The following EMC3 variants were observed in gnomAD, a reference collection of about 807,000 sequenced individuals.
EMC3 encodes the protein ER membrane protein complex subunit 3, also known as 30 kDa protein.
Under a neutral mutation model 36.6 loss-of-function variants are expected in EMC3, and 13 were observed. The observed-to-expected ratio is 0.35, with a 90% CI of 0.23 to 0.56. EMC3 has a LOEUF of 0.56. EMC3 is among the 20% of genes least tolerant of loss of function. The probability of loss-of-function intolerance (pLI) is 0.84; values close to 1 mark genes in which losing one functional copy is unlikely to be tolerated. For missense variants in EMC3, 220 were observed against 324.5 expected (o/e 0.68, Z 2.47); for synonymous variants, 120 against 111.9 (o/e 1.07, Z -0.46).
intron 1 of EMC3, among the ~76,000 whole-genome samples, chr3:9,996,218 A>C (rs186521702): frequency 1.4e-3 from 207 of 152,332 alleles, no homozygotes; most frequent in Non-Finnish European, 2.2e-3. Flanking sequence ...CCAAGGCAGG[A>C]GAATCACATG....
At chr3:10,006,190 A>G (rs1025806348) in intron 1 of EMC3, among the ~76,000 whole-genome samples, 2 of 152,234 alleles carry the variant, frequency 1.3e-5, no homozygotes, top group African/African-American at 2.4e-5. Flanking sequence ...GGAAGCCAGC[A>G]TCGTCCAAGC....
chr3:9,986,818 GC>G lies in EMC3; in HGVS notation c.-158del, dbSNP rs1321250022. 1.5e-5 allele frequency: 21 copies of G among 1,420,486 alleles called. No individual in the cohort carries two copies. Among genetic ancestry groups the G allele is most frequent in the Non-Finnish European group, 1.8e-5 (19 of 1,085,058 alleles). The allele number at this position is 1,420,486 out of a possible 1,614,324, so 88.0% of individuals were successfully genotyped here. A position where few individuals can be genotyped will look rare whatever the true frequency, so the allele number is the denominator to read the frequency against. ...CTGTGAGCCGAGCTTACTGCCTTCA[GC>G]TGGGCTGCCTGGTCTTCCACTTCCG... On this transcript the variant is annotated 5_prime_UTR_variant, in exon 1 of 8. Transcript: ENST00000245046.
At chr3:9,975,803 C>T (rs542569471) in intron 3 of EMC3, among the ~76,000 whole-genome samples, 1 of 126,096 alleles carries the variant, frequency 7.9e-6, no homozygotes, top group East Asian at 2.2e-4. Flanking sequence ...GAGAGCGAGA[C>T]TCCTTTCTGA....
At chr3:9,985,209 A>G (rs2085957310) in intron 1 of EMC3, among the ~76,000 whole-genome samples, 1 of 152,224 alleles carries the variant, frequency 6.6e-6, no homozygotes, top group South Asian at 2.1e-4. Flanking sequence ...TTACCAGCAA[A>G]TGGAAATCCA....
intron 3 of EMC3, among the ~76,000 whole-genome samples, 176 bp downstream of exon 3, chr3:9,976,781 G>A (rs2085854483): frequency 6.6e-6 from 1 of 151,998 alleles, no homozygotes; most frequent in Admixed American, 6.6e-5. Context: ...AAATCTAACT[G>A]AAAAAGAGAA....
chr3:9,965,416 C>CGATAGATA (rs57264688), intron 7 of EMC3, among the ~76,000 whole-genome samples: 12,120 of 145,750 alleles, frequency 0.083, 634 homozygotes, highest in African/African-American at 0.13. Flanking sequence ...GTGAGACCCT[C>CGATAGATA]GATAGATAGA....
Position 9,967,986 on chromosome 3 carries a change from A to T in EMC3, c.657+1733T>A, listed in dbSNP as rs116304356. Among the ~76,000 whole-genome samples, 840 of 152,264 alleles carry T rather than the reference A, an allele frequency of 5.5e-3. 15 individuals are homozygous for T. Among genetic ancestry groups the T allele is most frequent in the African/African-American group, 0.018 (765 of 41,542 alleles). On this transcript the variant is annotated intron_variant, in intron 7 of 7. Coordinates refer to ENST00000245046, the MANE Select transcript of EMC3 (RefSeq NM_001394674.1). ...CACCAGGCTGGAGTCTAGTGGCGTGATCTTGACTCACTGCAACCTCTGCCT... is the reference window on the plus strand; with the variant it reads ...CACCAGGCTGGAGTCTAGTGGCGTGTTCTTGACTCACTGCAACCTCTGCCT...
In EMC3 at chr3:9,964,174, C is replaced by T; in HGVS notation, c.681G>A (p.Leu227=). 1 of 1,614,184 alleles carries T rather than the reference C, an allele frequency of 6.2e-7. No homozygotes were observed. The highest frequency in any genetic ancestry group is 8.5e-7 in the Non-Finnish European group (1 of 1,180,036). Residue 227 remains leucine, a synonymous_variant, in exon 8 of 8, where the codon CTG becomes CTA. Coordinates refer to ENST00000245046, the MANE Select transcript of EMC3 (RefSeq NM_001394674.1). ...AFKTEWEALE[L]TDHQWALDDV... Reference sequence around the variant, plus strand: ...CATCTAGTGCCCACTGGTGATCCGTCAGCTCCAAAGCTTCCCACTCTGTCT... The same window carrying T: ...CATCTAGTGCCCACTGGTGATCCGTTAGCTCCAAAGCTTCCCACTCTGTCT...
In EMC3 at chr3:9,986,791, G is replaced by C. The variant is rs776135142; in HGVS notation, c.-130C>G. 2 of 1,473,492 alleles carry C rather than the reference G, an allele frequency of 1.4e-6. No homozygotes were observed. Among genetic ancestry groups the C allele is most frequent in the East Asian group, 2.4e-5 (1 of 42,302 alleles). 91.3% of individuals were successfully genotyped at this position (1,473,492 alleles called of 1,614,324 possible). A position where few individuals can be genotyped will look rare whatever the true frequency, so the allele number is the denominator to read the frequency against. The stretch of plus-strand genomic sequence containing the variant: ...CCCGTGTACCCCAGAACTCTCCTGC[G>C]ACTGTGAGCCGAGCTTACTGCCTTC... On this transcript the variant is annotated 5_prime_UTR_variant, in exon 1 of 8. Transcript: ENST00000245046.
rs528944478 is a variant in EMC3 at position 9,979,454 on chromosome 3, A to G, written c.156-2008T>C. ...CTCTGGAGTTGAACACATGGGTTCA[A>G]TCCCACCTCTGCCACTTATTAGCCA... On this transcript the variant is annotated intron_variant, in intron 1 of 7. Coordinates refer to ENST00000245046, the MANE Select transcript of EMC3 (RefSeq NM_001394674.1). Among the ~76,000 whole-genome samples the G allele has an allele frequency of 2.0e-5, 3 of 152,334 alleles. No homozygotes were observed. In the East Asian group the frequency reaches 5.8e-4, roughly 29 times the overall value.
intron 1 of EMC3, among the ~76,000 whole-genome samples, chr3:10,002,361 T>C (rs2086214498): frequency 6.6e-6 from 1 of 151,088 alleles, no homozygotes; most frequent in Non-Finnish European, 1.5e-5. Flanking sequence ...CAATCTTGGC[T>C]CACTGCAGCC....
At position 9,963,471 on chromosome 3, in the gene EMC3, A is replaced by AT. The variant is rs1209408583; in HGVS notation, c.*597dup. On this transcript the variant is annotated 3_prime_UTR_variant, in exon 8 of 8. Coordinates refer to ENST00000245046, the MANE Select transcript of EMC3 (RefSeq NM_001394674.1). ...CTAAGATAGATATATATATATATAT[A>AT]TATATATTTTTTTTTTTTTTTCAGA... The AT allele has an allele frequency of 3.6e-5, 4 of 109,926 alleles. No homozygotes were observed. The highest frequency in any genetic ancestry group is 1.4e-4 in the African/African-American group (4 of 28,400). The allele number at this position is 109,926 out of a possible 1,614,324, so 6.8% of individuals were successfully genotyped here.
chr3:9,991,142 T>C (rs2086047191), upstream of EMC3, among the ~76,000 whole-genome samples: 2 of 152,278 alleles, frequency 1.3e-5, no homozygotes, highest in Admixed American at 6.5e-5. Context: ...TTTTATTTTT[T>C]ATAGAGATGA....
chr3:9,970,029 A>T (rs2085769387), intron 6 of EMC3, among the ~76,000 whole-genome samples: 1 of 152,218 alleles, frequency 6.6e-6, no homozygotes, highest in African/African-American at 2.4e-5. Flanking sequence ...ACTTTATTTC[A>T]AATTTCAACA....
In EMC3 at chr3:9,964,028, G is replaced by C. The variant is rs988703190; in HGVS notation, c.*41C>G. On this transcript the variant is annotated 3_prime_UTR_variant, in exon 8 of 8. Coordinates refer to ENST00000245046, the MANE Select transcript of EMC3 (RefSeq NM_001394674.1). The stretch of plus-strand genomic sequence containing the variant: ...TCCAAACAAAGTTACAAGGTTAAGT[G>C]CAACTCCAAGTTCCTGACACAGCTA... 8 of 1,609,210 alleles carry C rather than the reference G, an allele frequency of 5.0e-6. No individual in the cohort carries two copies. In the African/African-American group the frequency reaches 6.7e-5, roughly 13 times the overall value.
chr3:9,987,846 G>C, upstream of EMC3: 1 of 674,986 alleles, frequency 1.5e-6, no homozygotes, highest in Non-Finnish European at 2.8e-6. Flanking sequence ...TTGAGAGACT[G>C]GACTGTACCT....
upstream of EMC3, among the ~76,000 whole-genome samples, chr3:9,991,707 T>C (rs907808062): frequency 6.6e-6 from 1 of 152,204 alleles, no homozygotes; most frequent in Non-Finnish European, 1.5e-5. Flanking sequence ...GCTGCTGTTT[T>C]TTCCACTTCA....
At chr3:9,990,458 T>C (rs1307678297), upstream of EMC3, among the ~76,000 whole-genome samples, 2 of 150,602 alleles carry the variant, frequency 1.3e-5, no homozygotes, top group East Asian at 2.0e-4. Context: ...CCTCAGTCTT[T>C]GGAGTAGCTG....
chr3:9,997,043 T>C (rs779836048), intron 1 of EMC3, among the ~76,000 whole-genome samples: 2 of 152,138 alleles, frequency 1.3e-5, no homozygotes, highest in Non-Finnish European at 2.9e-5. Flanking sequence ...GAACTTCTGA[T>C]CATCCCAAAC....
Sources: allele counts gnomAD v4.1 joint callset (sites outside exome capture counted in the v4.1 genomes callset), GRCh38; gene constraint gnomAD v4.1.1; transcripts MANE v1.5; gene names NCBI Gene and HGNC (gene_info 2026-07-23, HGNC 2026-07-21).